KIF21A: variants seen among roughly 807,000 people sequenced by gnomAD.
KIF21A encodes kinesin family member 21A.
KIF21A carries 114 observed loss-of-function variants against 202.9 expected under a neutral mutation model. The observed-to-expected ratio is 0.56, with a 90% confidence interval of 0.48 to 0.66. The LOEUF (loss-of-function observed/expected upper bound fraction) is 0.66. Among genes scored for constraint, KIF21A ranks in the 30% least tolerant of loss-of-function variants. The pLI, the probability that KIF21A is intolerant of heterozygous loss-of-function variation, is 0.00. For synonymous variants in KIF21A, 667 were observed against 670.8 expected, an observed-to-expected ratio of 0.99 and a Z score of 0.09; for missense variants, 1,677 against 1,994.9, an observed-to-expected ratio of 0.84 and a Z score of 3.04.
intron 1 of KIF21A, among the ~76,000 whole-genome samples, chr12:39,408,847 TC>T (rs1409988920): frequency 6.7e-6 from 1 of 149,806 alleles, no homozygotes; most frequent in Non-Finnish European, 1.5e-5. Flanking sequence ...GGAGACAGGG[TC>T]CCACTCTGTC....
chr12:39,332,984 T>C lies in KIF21A; in HGVS notation c.2611A>G (p.Thr871Ala). 1 of 1,614,154 alleles carries C rather than the reference T, an allele frequency of 6.2e-7. No homozygotes were observed. Among genetic ancestry groups the C allele is most frequent in the Non-Finnish European group, 8.5e-7 (1 of 1,180,016 alleles). ...TGGGCTCCTGTCCTTGATGCATCTG[T>C]TTCGACAGCAGCTGCACTGGAACCT... ...DTGSSAAAVE[T>A]DASRTGAQQK... Residue 871 changes from threonine (T) to alanine (A), a missense_variant, in exon 19 of 38, where the codon ACA (threonine) becomes GCA (alanine). Transcript: ENST00000361418.
intron 1 of KIF21A, among the ~76,000 whole-genome samples, chr12:39,381,048 G>A (rs1950577083): frequency 6.6e-6 from 1 of 152,122 alleles, no homozygotes. Context: ...GCTCATGCCT[G>A]TAATCCCAGC....
intron 1 of KIF21A, among the ~76,000 whole-genome samples, chr12:39,391,671 A>T (rs1413974644): frequency 6.6e-6 from 1 of 152,232 alleles, no homozygotes; most frequent in Non-Finnish European, 1.5e-5. Context: ...GTAATCACAT[A>T]TATTAAATCT....
intron 37 of KIF21A, among the ~76,000 whole-genome samples, chr12:39,295,484 T>C (rs540028078): frequency 1.3e-5 from 2 of 152,278 alleles, no homozygotes; most frequent in Non-Finnish European, 2.9e-5. Flanking sequence ...GGAGTGCCAA[T>C]GTAACACAGC....
Position 39,443,096 on chromosome 12 carries a change from C to G in KIF21A, c.-126G>C. On this transcript the variant is annotated 5_prime_UTR_variant, in exon 1 of 38. Transcript: ENST00000361418. ...GGGCGGGCGGCCGGCTCACCTCCGC[C>G]GCGCTCCAGCCATGTTGGGCGACTG... The G allele has an allele frequency of 1.1e-6, 1 of 925,418 alleles. No homozygotes were observed. Among genetic ancestry groups the G allele is most frequent in the Non-Finnish European group, 1.5e-6 (1 of 667,108 alleles). 57.3% of individuals were successfully genotyped at this position (925,418 alleles called of 1,614,324 possible).
At chr12:39,345,807 A>G (rs1253661588) in intron 12 of KIF21A, among the ~76,000 whole-genome samples, 1 of 152,024 alleles carries the variant, frequency 6.6e-6, no homozygotes, top group Admixed American at 6.6e-5. Flanking sequence ...GTAAAATGCA[A>G]TCAAGAATAT....
intron 1 of KIF21A, among the ~76,000 whole-genome samples, chr12:39,395,648 C>T (rs1951687399): frequency 6.6e-6 from 1 of 151,726 alleles, no homozygotes. Flanking sequence ...TGGAGACTAG[C>T]CTGGCCAACA....
chr12:39,398,483 C>T (rs567237949), intron 1 of KIF21A, among the ~76,000 whole-genome samples: 1 of 152,182 alleles, frequency 6.6e-6, no homozygotes, highest in Admixed American at 6.5e-5. Context: ...CGCCTGTAGT[C>T]CCAGCTACTC....
At chr12:39,352,037 A>G in intron 10 of KIF21A, 57 bp from the exon 11 acceptor site, 1 of 1,227,370 alleles carries the variant, frequency 8.1e-7, no homozygotes, top group Non-Finnish European at 1.2e-6. Flanking sequence ...ATAAAAATAC[A>G]TAACATAAAG....
chr12:39,403,977 C>T (rs373282301), intron 1 of KIF21A, among the ~76,000 whole-genome samples: 15 of 152,248 alleles, frequency 9.9e-5, no homozygotes, highest in African/African-American at 3.6e-4. Flanking sequence ...GCATCTTAAT[C>T]ACCTGGGAGC....
At chr12:39,349,817 CA>C (rs2138633662) in intron 11 of KIF21A, among the ~76,000 whole-genome samples, 1 of 151,802 alleles carries the variant, frequency 6.6e-6, no homozygotes, top group South Asian at 2.1e-4. Context: ...TTATATGTAG[CA>C]ATAAAAATTT....
intron 1 of KIF21A, among the ~76,000 whole-genome samples, chr12:39,383,977 C>G (rs1485967104): frequency 6.6e-6 from 1 of 152,018 alleles, no homozygotes; most frequent in Non-Finnish European, 1.5e-5. Context: ...TTCTGCATTT[C>G]TAATACATTT....
intron 1 of KIF21A, among the ~76,000 whole-genome samples, chr12:39,381,667 C>G (rs949066320): frequency 6.6e-6 from 1 of 152,272 alleles, no homozygotes; most frequent in Non-Finnish European, 1.5e-5. Flanking sequence ...ATAAGGAACA[C>G]TTTATTTTTG....
At chr12:39,409,133 G>A (rs1036332060) in intron 1 of KIF21A, among the ~76,000 whole-genome samples, 1 of 151,596 alleles carries the variant, frequency 6.6e-6, no homozygotes, top group Non-Finnish European at 1.5e-5. Context: ...ACCACACCCA[G>A]CCAAAAAGCA....
At chr12:39,354,585 AACT>A (rs1375191346) in intron 10 of KIF21A, among the ~76,000 whole-genome samples, 2 of 152,210 alleles carry the variant, frequency 1.3e-5, no homozygotes, top group Admixed American at 6.5e-5. Flanking sequence ...ATTAAAAGGT[AACT>A]ACTATTCATT....
At chr12:39,413,370 C>T (rs902855895) in intron 1 of KIF21A, among the ~76,000 whole-genome samples, 4 of 152,136 alleles carry the variant, frequency 2.6e-5, no homozygotes, top group African/African-American at 4.8e-5. Flanking sequence ...ACCTATTGAA[C>T]GCTATCCCAC....
Position 39,369,787 on chromosome 12 carries a change from A to G in KIF21A, c.392T>C (p.Ile131Thr), listed in dbSNP as rs746843180. The stretch of plus-strand genomic sequence containing the variant: ...AGCAGGAAGCCCATTTTTAATTGCT[A>G]TGTGTTTTTTTTCTTCAATACTCTT... ...LFKSIEEKKH[I>T]AIKNGLPAPD... is the part of the protein sequence containing the mutation. The change falls in exon 3 of 38, where the codon ATA (isoleucine) becomes ACA (threonine). Residue 131 changes from isoleucine (I) to threonine (T), a missense_variant. Around this residue, in one of 3 missense-constraint regions of KIF21A, gnomAD observed 966 missense variants for 1,180.9 expected, o/e 0.82. Transcript: ENST00000361418. 1.9e-6 allele frequency: 3 copies of G among 1,612,960 alleles called. No individual in the cohort carries two copies. Among genetic ancestry groups the G allele is most frequent in the African/African-American group, 1.3e-5 (1 of 74,824 alleles).
At chr12:39,436,996 T>A (rs1408263769) in intron 1 of KIF21A, among the ~76,000 whole-genome samples, 6 of 152,226 alleles carry the variant, frequency 3.9e-5, no homozygotes, top group African/African-American at 9.6e-5. Context: ...TCAGATTATG[T>A]CAGGCCACAT....
At chr12:39,400,862 C>CA (rs1383406373) in intron 1 of KIF21A, among the ~76,000 whole-genome samples, 6 of 151,470 alleles carry the variant, frequency 4.0e-5, no homozygotes, top group South Asian at 2.1e-4. Context: ...GAAATCAGGA[C>CA]AAAAAAAACC....
Sources: gnomAD v4.1 joint callset for allele counts (sites outside exome capture counted in the v4.1 genomes callset) on GRCh38, gnomAD v4.1.1 for gene constraint, gnomAD v4.1.1 regional missense constraint, MANE v1.5 for transcripts, NCBI Gene and HGNC (gene_info 2026-07-23, HGNC 2026-07-21) for gene names.